Variants in PRKAA2 observed in about 807,000 individuals in gnomAD.
The protein encoded by PRKAA2 is 5'-AMP-activated protein kinase catalytic subunit alpha-2.
PRKAA2 carries 40 observed loss-of-function variants against 56.3 expected under a neutral mutation model. That is an observed-to-expected ratio of 0.71 (90% CI 0.55 to 0.92). The LOEUF is 0.92. Ranked by LOEUF, PRKAA2 falls within the 40% of genes least tolerant of loss-of-function variation. PRKAA2 has a pLI of 0.00. For missense variants in PRKAA2, 542 were observed against 686.9 expected (o/e 0.79, Z 2.36); for synonymous variants, 214 against 234.2 (o/e 0.91, Z 0.79).
chr1:56,693,736 C>T (rs1447625540), intron 4 of PRKAA2, 29 bp from the exon 5 acceptor site: 2 of 1,448,888 alleles, frequency 1.4e-6, no homozygotes, highest in African/African-American at 1.4e-5. Flanking sequence ...AAATATCTAG[C>T]ACCAAGTAAA....
intron 1 of PRKAA2, among the ~76,000 whole-genome samples, chr1:56,648,208 T>C (rs1411565363): frequency 6.6e-6 from 1 of 152,174 alleles, no homozygotes; most frequent in Non-Finnish European, 1.5e-5. Flanking sequence ...TTTATACCCA[T>C]TCACAGTTAA....
chr1:56,678,662 C>G (rs1053397918), intron 2 of PRKAA2, among the ~76,000 whole-genome samples: 1 of 149,628 alleles, frequency 6.7e-6, no homozygotes, highest in Non-Finnish European at 1.5e-5. Context: ...TCAAAAGATG[C>G]TTGTTAGTCT....
intron 7 of PRKAA2, among the ~76,000 whole-genome samples, chr1:56,705,378 G>C (rs1200512976): frequency 6.8e-6 from 1 of 146,798 alleles, no homozygotes; most frequent in Non-Finnish European, 1.5e-5. Flanking sequence ...ACCCAAAGCA[G>C]TGTTGTTTTT....
intron 2 of PRKAA2, among the ~76,000 whole-genome samples, chr1:56,683,896 G>A (rs550209187): frequency 1.5e-3 from 227 of 152,232 alleles, no homozygotes; most frequent in African/African-American, 5.3e-3. Flanking sequence ...AAGATGGGAA[G>A]CCATTGGAAG....
At chr1:56,678,271 A>C (rs1197649644) in intron 2 of PRKAA2, among the ~76,000 whole-genome samples, 1 of 152,182 alleles carries the variant, frequency 6.6e-6, no homozygotes, top group Non-Finnish European at 1.5e-5. Flanking sequence ...GCTACAGAAG[A>C]AGCTTATTGA....
chr1:56,690,948 G>T (rs1286553250), intron 2 of PRKAA2, among the ~76,000 whole-genome samples: 3 of 151,878 alleles, frequency 2.0e-5, no homozygotes, highest in Non-Finnish European at 2.9e-5. Flanking sequence ...AGTTTGTTTT[G>T]CTGTCAATTC....
At chr1:56,669,571 CCT>C (rs1482925611) in intron 1 of PRKAA2, among the ~76,000 whole-genome samples, 2 of 152,022 alleles carry the variant, frequency 1.3e-5, no homozygotes, top group East Asian at 1.9e-4. Context: ...AAATTCTTAA[CCT>C]CTCTGCAAAT....
At chr1:56,677,740 T>C (rs573300614) in intron 2 of PRKAA2, among the ~76,000 whole-genome samples, 1 of 151,894 alleles carries the variant, frequency 6.6e-6, no homozygotes, top group East Asian at 1.9e-4. Context: ...CACTGCAACC[T>C]TCGCTTCCCA....
intron 3 of PRKAA2, 64 bp downstream of exon 3, chr1:56,691,551 T>C: frequency 1.5e-6 from 2 of 1,294,704 alleles, no homozygotes; most frequent in Non-Finnish European, 2.2e-6. Context: ...TATTGGGACA[T>C]AGAACAATGC....
chr1:56,686,843 C>T (rs561937574), intron 2 of PRKAA2, among the ~76,000 whole-genome samples: 1 of 151,430 alleles, frequency 6.6e-6, no homozygotes, highest in East Asian at 1.9e-4. Context: ...ATGTTCACAG[C>T]AGCAAATAAT....
chr1:56,698,350 T>C (rs1644273020), intron 6 of PRKAA2, among the ~76,000 whole-genome samples: 1 of 152,244 alleles, frequency 6.6e-6, no homozygotes, highest in African/African-American at 2.4e-5. Context: ...TTTTCATATA[T>C]AGCTATAAAC....
At chr1:56,655,275 T>C (rs1258790454) in intron 1 of PRKAA2, among the ~76,000 whole-genome samples, 3 of 52,798 alleles carry the variant, frequency 5.7e-5, no homozygotes, top group Non-Finnish European at 1.1e-4. Flanking sequence ...TATCTATATA[T>C]ATATATTTTT....
chr1:56,692,107 A>G (rs1644232170), intron 3 of PRKAA2, among the ~76,000 whole-genome samples: 1 of 141,384 alleles, frequency 7.1e-6, no homozygotes, highest in South Asian at 2.1e-4. Context: ...ATCTCAGCTC[A>G]CTGCAACCTC....
intron 6 of PRKAA2, among the ~76,000 whole-genome samples, chr1:56,698,995 C>T (rs1260066057): frequency 2.0e-5 from 3 of 152,116 alleles, no homozygotes; most frequent in Non-Finnish European, 2.9e-5. Context: ...CAACTGAGCA[C>T]AAATCCCAGT....
rs61772962 is a variant in PRKAA2 at position 56,645,496 on chromosome 1, C to G, written c.94+15C>G. ...CAAAGTGAAGAGTTGAGTACGCGCT[C>G]CGGACCGCTGTGCGGGGCTGCCTGA... On this transcript the variant is annotated intron_variant, in intron 1 of 8. Coordinates refer to ENST00000371244, the MANE Select transcript of PRKAA2 (RefSeq NM_006252.4). 0.44 allele frequency: 645,432 copies of G among 1,463,458 alleles called. 146,615 individuals carry two copies. The highest frequency in any genetic ancestry group is 0.47 in the Non-Finnish European group (515,954 of 1,098,094). The allele number at this position is 1,463,458 out of a possible 1,614,324, so 90.7% of individuals were successfully genotyped here. A position where few individuals can be genotyped will look rare whatever the true frequency, so the allele number is the denominator to read the frequency against.
Position 56,645,450 on chromosome 1 carries a change from G to A in PRKAA2, c.63G>A (p.Thr21=). ...VKIGHYVLGD[T]LGVGTFGKVK... ...TCGGACACTACGTGCTGGGCGACAC[G>A]CTGGGCGTCGGCACCTTCGGCAAAG... is the stretch of plus-strand genomic sequence containing the variant. The change falls in exon 1 of 9, where the codon ACG becomes ACA. Residue 21 remains threonine, a synonymous_variant. Coordinates refer to ENST00000371244, the MANE Select transcript of PRKAA2 (RefSeq NM_006252.4). 1 of 1,507,980 alleles carries A rather than the reference G, an allele frequency of 6.6e-7. No individual in the cohort carries two copies. Among genetic ancestry groups the A allele is most frequent in the East Asian group, 2.8e-5 (1 of 35,498 alleles). 93.4% of individuals were successfully genotyped at this position (1,507,980 alleles called of 1,614,324 possible). A position where few individuals can be genotyped will look rare whatever the true frequency, so the allele number is the denominator to read the frequency against.
intron 6 of PRKAA2, 76 bp from the exon 7 acceptor site, chr1:56,703,895 T>C: frequency 7.0e-7 from 1 of 1,428,630 alleles, no homozygotes; most frequent in Non-Finnish European, 9.5e-7. Context: ...TATATTCTAT[T>C]ATATTGCCCT....
At chr1:56,695,594 C>A (rs1644254198) in intron 5 of PRKAA2, among the ~76,000 whole-genome samples, 1 of 152,044 alleles carries the variant, frequency 6.6e-6, no homozygotes, top group Admixed American at 6.5e-5. Flanking sequence ...AAGATTTAAC[C>A]TATACACCAT....
rs1428755118 is a variant in PRKAA2, at chr1:56,710,011, G to C, written c.*2298G>C. ...GGTTGGTTTTTAGAAGATTTCAGGAGATGCAGTCCAGCACAATTAGAGCTG... is the reference window on the plus strand; with the variant it reads ...GGTTGGTTTTTAGAAGATTTCAGGACATGCAGTCCAGCACAATTAGAGCTG... On this transcript the variant is annotated 3_prime_UTR_variant, in exon 9 of 9. Transcript: ENST00000371244. 1 of 152,032 alleles carries C rather than the reference G, an allele frequency of 6.6e-6. No homozygotes were observed. Among genetic ancestry groups the C allele is most frequent in the African/African-American group, 2.4e-5 (1 of 41,418 alleles). The allele number at this position is 152,032 out of a possible 1,614,324, so 9.4% of individuals were successfully genotyped here.
Sources: allele counts gnomAD v4.1 joint callset (sites outside exome capture counted in the v4.1 genomes callset), GRCh38; gene constraint gnomAD v4.1.1; transcripts MANE v1.5; gene names NCBI Gene and HGNC (gene_info 2026-07-23, HGNC 2026-07-21).